SMARCC2: variants seen among roughly 807,000 people sequenced by gnomAD.
SMARCC2 encodes the protein SWI/SNF complex subunit SMARCC2.
SMARCC2 carries 15 observed loss-of-function variants against 151.3 expected under a neutral mutation model. That is an observed-to-expected ratio of 0.10 (90% CI 0.07 to 0.15). The LOEUF (loss-of-function observed/expected upper bound fraction) is 0.15. Ranked by LOEUF, SMARCC2 falls within the 10% of genes least tolerant of loss-of-function variation. The pLI is 1.00. For missense variants in SMARCC2, 1,031 were observed against 1,599.7 expected, an observed-to-expected ratio of 0.64 and a Z score of 6.06; for synonymous variants, 590 against 609.5, an observed-to-expected ratio of 0.97 and a Z score of 0.47.
Position 56,181,554 on chromosome 12 carries a change from T to A in SMARCC2, c.884A>T (p.Asn295Ile), listed in dbSNP as rs140180774. Reference sequence around the variant, plus strand: ...GGGGGAGCGCTTCCTCTTCTTATAGTTTCCCCCCTTCTTGTCCCGTCGATC... The same window carrying A: ...GGGGGAGCGCTTCCTCTTCTTATAGATTCCCCCCTTCTTGTCCCGTCGATC... ...DSDRRDKKGG[N>I]YKKRKRSPSP... The change falls in exon 10 of 29, where the codon AAC becomes ATC. Residue 295 changes from asparagine (N) to isoleucine (I), a missense_variant. Physicochemically the swap from Asn to Ile is moderately radical, Grantham distance 149. Transcript: ENST00000550164. 6.3e-7 allele frequency: 1 copy of A among 1,588,740 alleles called. No individual in the cohort carries two copies. The highest frequency in any genetic ancestry group is 8.6e-7 in the Non-Finnish European group (1 of 1,168,618).
In SMARCC2 at chr12:56,172,922, C is replaced by CT; in HGVS notation, c.1743+14dup. The CT allele has an allele frequency of 6.2e-7, 1 of 1,611,756 alleles. No homozygotes were observed. On this transcript the variant is annotated intron_variant, in intron 18 of 28. Transcript: ENST00000550164. ...GGGAAAATGAGCAGCCCAGCAGGGT[C>CT]TGCACCCCACCTACCAGCTCTGGCT...
intron 25 of SMARCC2, 53 bp from the exon 26 acceptor site, chr12:56,168,247 A>T: frequency 1.9e-6 from 3 of 1,603,564 alleles, no homozygotes; most frequent in Non-Finnish European, 2.6e-6. Flanking sequence ...AACTGAAGAC[A>T]ATACAGAAGA....
intron 3 of SMARCC2, 117 bp from the exon 4 acceptor site, chr12:56,185,228 G>A: frequency 1.3e-6 from 1 of 783,600 alleles, no homozygotes; most frequent in East Asian, 2.7e-5. Context: ...ACCTAGGCTG[G>A]AGTGCAGTGG....
At chr12:56,165,935 G>A (rs1014027644) in intron 26 of SMARCC2, among the ~76,000 whole-genome samples, 6 of 152,146 alleles carry the variant, frequency 3.9e-5, no homozygotes, top group African/African-American at 1.2e-4. Flanking sequence ...CTTTAACCTG[G>A]CCCAAGCTCA....
intron 1 of SMARCC2, 42 bp from the exon 2 acceptor site, chr12:56,187,348 T>C (rs767593693): frequency 1.9e-6 from 3 of 1,589,572 alleles, no homozygotes; most frequent in Non-Finnish European, 1.7e-6. Flanking sequence ...AGATCTCAGA[T>C]AAATTGTCCA....
intron 11 of SMARCC2, among the ~76,000 whole-genome samples, chr12:56,180,736 T>C (rs954842260): frequency 1.3e-5 from 2 of 152,146 alleles, no homozygotes; most frequent in African/African-American, 2.4e-5. Flanking sequence ...CAGAAACACA[T>C]AATCAAAGAG....
chr12:56,181,680 G>GA (rs1228586138), intron 9 of SMARCC2, 24 bp downstream of exon 9: 1 of 1,613,962 alleles, frequency 6.2e-7, no homozygotes, highest in South Asian at 1.1e-5. Context: ...AGGGCGCCAG[G>GA]AAAAAAAGAA....
chr12:56,182,171 A>G, intron 7 of SMARCC2, 92 bp from the exon 8 acceptor site: 1 of 838,210 alleles, frequency 1.2e-6, no homozygotes, highest in Middle Eastern at 2.3e-4. Flanking sequence ...ATTTACAGAA[A>G]GTATTGGGTT....
At position 56,172,543 on chromosome 12, in the gene SMARCC2, A is replaced by G. The variant is rs1348953750; in HGVS notation, c.1863+42T>C. The G allele has an allele frequency of 3.7e-6, 6 of 1,613,240 alleles. No homozygotes were observed. The Admixed American group carries it at 5.0e-5, about 13-fold the overall frequency. ...AGAAAGGAGCCTGTGACCTCTGAGG[A>G]GCGAACATTCTCTACCCCTAGAGTC... On this transcript the variant is annotated intron_variant, in intron 19 of 28. Coordinates refer to ENST00000550164, the MANE Select transcript of SMARCC2 (RefSeq NM_001330288.2).
chr12:56,182,070 C>A lies in SMARCC2; in HGVS notation c.642G>T (p.Thr214=), dbSNP rs760693555. The part of the protein sequence containing the change: ...HWGYYPDSYD[T]WIPASEIEAS... ...CCTCAATTTCACTCGCTGGGATCCA[C>A]GTGTCGTAACTGCCATGGGAAATTG... Residue 214 remains threonine, a synonymous_variant, in exon 8 of 29, where the codon ACG becomes ACT. Transcript: ENST00000550164. 1.2e-6 allele frequency: 2 copies of A among 1,611,548 alleles called. No homozygotes were observed. Among genetic ancestry groups the A allele is most frequent in the Admixed American group, 3.4e-5 (2 of 59,678 alleles).
chr12:56,165,531 C>G lies in SMARCC2; in HGVS notation c.3019G>C (p.Gly1007Arg). Residue 1007 changes from glycine (G) to arginine (R), a missense_variant, in exon 27 of 29, where the codon GGG becomes CGG. Around this residue, in one of 12 missense-constraint regions of SMARCC2, gnomAD observed 310 missense variants for 350.0 expected, o/e 0.89. Coordinates refer to ENST00000550164, the MANE Select transcript of SMARCC2 (RefSeq NM_001330288.2). ...TGGACTGCGGGTGGCCCAGCAGCCC[C>G]TGTTGGGGGGATAGGCTGGGAGCCT... ...PPGSQPIPPT[G>R]AAGPPAVHGL... The G allele has an allele frequency of 6.2e-7, 1 of 1,610,336 alleles. No homozygotes were observed. Among genetic ancestry groups the G allele is most frequent in the South Asian group, 1.1e-5 (1 of 90,824 alleles).
Position 56,163,326 on chromosome 12 carries a change from A to AC in SMARCC2, c.*362dup, listed in dbSNP as rs1468531900. ...GCTCCAATGTGGCTTTTTAAAATCT[A>AC]CTTTTTTTTTTTTTTTTTAATCCAT... On this transcript the variant is annotated 3_prime_UTR_variant, in exon 29 of 29. Transcript: ENST00000550164. 7.6e-6 allele frequency: 1 copy of AC among 131,722 alleles called. No homozygotes were observed. The highest frequency in any genetic ancestry group is 1.6e-5 in the Non-Finnish European group (1 of 64,484). 8.2% of individuals were successfully genotyped at this position (131,722 alleles called of 1,614,324 possible).
chr12:56,167,120 G>T (rs1020578518), intron 26 of SMARCC2, among the ~76,000 whole-genome samples: 6 of 149,672 alleles, frequency 4.0e-5, no homozygotes, highest in African/African-American at 1.5e-4. Flanking sequence ...GGGAAGCAGA[G>T]ATGGGCTGAT....
chr12:56,184,958 T>A, intron 4 of SMARCC2, 22 bp from the exon 5 acceptor site: 1 of 1,596,642 alleles, frequency 6.3e-7, no homozygotes, highest in Non-Finnish European at 8.6e-7. Context: ...AGAAATAGAA[T>A]GAGATTATAG....
At position 56,166,593 on chromosome 12, in the gene SMARCC2, CT is replaced by C. The variant is rs543234598; in HGVS notation, c.2851-895del. 5.4e-3 allele frequency among the ~76,000 whole-genome samples: 755 copies of C among 139,260 alleles called. 4 individuals are homozygous for C. The highest frequency in any genetic ancestry group is 0.01 in the African/African-American group (386 of 38,236). 91.4% of individuals were successfully genotyped at this position (139,260 alleles called of 152,430 possible). A position where few individuals can be genotyped will look rare whatever the true frequency, so the allele number is the denominator to read the frequency against. On this transcript the variant is annotated intron_variant, in intron 26 of 28. Coordinates refer to ENST00000550164, the MANE Select transcript of SMARCC2 (RefSeq NM_001330288.2). ...TCCCTATCTTCTATTTCTTTTTCTTCTTTTTTTTTTTTTTGAGATAGGGTCT... is the reference window on the plus strand; with the variant it reads ...TCCCTATCTTCTATTTCTTTTTCTTCTTTTTTTTTTTTTGAGATAGGGTCT...
chr12:56,177,276 G>C (rs1875213712), intron 15 of SMARCC2, among the ~76,000 whole-genome samples: 1 of 152,042 alleles, frequency 6.6e-6, no homozygotes, highest in South Asian at 2.1e-4. Flanking sequence ...ACGGGGTCTT[G>C]CCGTGTCAGC....
At chr12:56,163,899 A>T in intron 28 of SMARCC2, 134 bp from the exon 29 acceptor site, 1 of 570,828 alleles carries the variant, frequency 1.8e-6, no homozygotes, top group South Asian at 2.4e-5. Flanking sequence ...ATAATGTTCA[A>T]CTTCTGTTCC....
intron 7 of SMARCC2, chr12:56,183,296 A>T (rs1192119804): frequency 1.3e-5 from 2 of 151,840 alleles, no homozygotes; most frequent in Non-Finnish European, 2.9e-5. Flanking sequence ...AGCTAAAACT[A>T]CAGGCGTGTG....
intron 16 of SMARCC2, among the ~76,000 whole-genome samples, chr12:56,174,197 C>T (rs1436296534): frequency 6.6e-6 from 1 of 152,226 alleles, no homozygotes; most frequent in East Asian, 1.9e-4. Context: ...GCAGCCTCCA[C>T]CTCCAGGGCT....
Sources: gnomAD v4.1 joint callset for allele counts (sites outside exome capture counted in the v4.1 genomes callset) on GRCh38, gnomAD v4.1.1 for gene constraint, gnomAD v4.1.1 regional missense constraint, MANE v1.5 for transcripts, NCBI Gene and HGNC (gene_info 2026-07-23, HGNC 2026-07-21) for gene names.